DOCK9: variants seen among roughly 807,000 people sequenced by gnomAD.
The protein encoded by DOCK9 is dedicator of cytokinesis protein 9.
A neutral mutation model predicts 263.3 loss-of-function variants in DOCK9; 89 were observed. That is an observed-to-expected ratio of 0.34 (90% CI 0.28 to 0.40). The LOEUF (loss-of-function observed/expected upper bound fraction) is 0.40, where lower values mean the gene tolerates loss of function less well. Ranked by LOEUF, DOCK9 falls within the 10% of genes least tolerant of loss-of-function variation. The pLI is 1.00. For missense variants in DOCK9, 2,140 were observed against 2,603.4 expected, an observed-to-expected ratio of 0.82 and a Z score of 3.87; for synonymous variants, 976 against 973.1, an observed-to-expected ratio of 1.00 and a Z score of -0.06.
Position 98,977,847 on chromosome 13 carries a change from G to C in DOCK9, c.63C>G (p.Ser21=). ...GAGCTGCATCCTTGTATTGCAGGGG[G>C]GACTCAATCACCAGTTCCTTTTTGA... ...RSVKKELVIE[S]PLQYKDAAQG... Residue 21 remains serine (S), a synonymous_variant, in exon 1 of 53, where the codon TCC becomes TCG. Coordinates refer to ENST00000682017, the MANE Select transcript of DOCK9 (RefSeq NM_001366683.2). The C allele has an allele frequency of 6.2e-7, 1 of 1,607,654 alleles. No homozygotes were observed. Among genetic ancestry groups the C allele is most frequent in the Non-Finnish European group, 8.5e-7 (1 of 1,176,834 alleles).
intron 9 of DOCK9, among the ~76,000 whole-genome samples, chr13:98,913,462 T>C (rs762939959): frequency 2.0e-5 from 3 of 152,232 alleles, no homozygotes; most frequent in African/African-American, 4.8e-5. Context: ...AAATAAAAAG[T>C]CTATATAGTA....
intron 30 of DOCK9, among the ~76,000 whole-genome samples, chr13:98,865,264 G>A (rs746903984): frequency 6.6e-6 from 1 of 152,044 alleles, no homozygotes; most frequent in Non-Finnish European, 1.5e-5. Flanking sequence ...TAGAGACAGG[G>A]TTTTGTTATG....
intron 2 of DOCK9, among the ~76,000 whole-genome samples, chr13:98,949,167 G>T (rs1459366215): frequency 6.6e-6 from 1 of 152,136 alleles, no homozygotes; most frequent in Non-Finnish European, 1.5e-5. Context: ...CAACCTGTTG[G>T]GCTCAAGTGA....
rs181455204 is a variant in DOCK9 at position 98,875,251 on chromosome 13, A to T, written c.2943+4647T>A. 1.3e-3 allele frequency among the ~76,000 whole-genome samples: 200 copies of T among 152,320 alleles called. 1 individual carries two copies. The highest frequency in any genetic ancestry group is 0.01 in the Middle Eastern group (3 of 294). On this transcript the variant is annotated intron_variant, in intron 27 of 52. Transcript: ENST00000682017. ...CTTTGCACATTACAAACAACTGTTC[A>T]AAACACTTGAGGGTGAATGCATACT...
intron 52 of DOCK9, among the ~76,000 whole-genome samples, chr13:98,795,250 T>G (rs1002053408): frequency 2.6e-5 from 4 of 152,220 alleles, no homozygotes; most frequent in Admixed American, 6.5e-5. Context: ...AAAATGAATT[T>G]GAAGCATTTG....
At position 98,888,545 on chromosome 13, in the gene DOCK9, A is replaced by C; in HGVS notation, c.1792T>G (p.Tyr598Asp). ...IDNVSSDFPN[Y>D]VNSSYIPTKQ... Reference sequence around the variant, plus strand: ...GTGGGAATGTATGATGAATTAACATAATCTGCAAAGATATTCAAAATAACT... The same window carrying C: ...GTGGGAATGTATGATGAATTAACATCATCTGCAAAGATATTCAAAATAACT... The change falls in exon 17 of 53, where the codon TAT (tyrosine) becomes GAT (aspartate). Residue 598 changes from tyrosine to aspartate, a missense_variant and splice_region_variant. Around this residue, in one of 2 missense-constraint regions of DOCK9, gnomAD observed 1,521 missense variants for 1,741.7 expected, o/e 0.87. Coordinates refer to ENST00000682017, the MANE Select transcript of DOCK9 (RefSeq NM_001366683.2). 6.2e-7 allele frequency: 1 copy of C among 1,613,770 alleles called. No individual in the cohort carries two copies. Among genetic ancestry groups the C allele is most frequent in the Non-Finnish European group, 8.5e-7 (1 of 1,179,736 alleles).
intron 1 of DOCK9, among the ~76,000 whole-genome samples, chr13:98,971,203 A>C (rs749017376): frequency 2.0e-5 from 3 of 152,154 alleles, no homozygotes; most frequent in Non-Finnish European, 2.9e-5. Flanking sequence ...TGCAGGATCA[A>C]AATTAGGTCC....
At chr13:98,904,040 G>C (rs2048730019) in intron 10 of DOCK9, among the ~76,000 whole-genome samples, 1 of 152,182 alleles carries the variant, frequency 6.6e-6, no homozygotes, top group Non-Finnish European at 1.5e-5. Context: ...TCTGGAAATG[G>C]ATGGTGGTAA....
At chr13:99,031,122 T>TA (rs563299866) in intron 1 of DOCK9, among the ~76,000 whole-genome samples, 41 of 116,428 alleles carry the variant, frequency 3.5e-4, no homozygotes, top group African/African-American at 1.2e-3. Context: ...GATGTTTTTT[T>TA]TAAAAAAAAG....
At position 98,888,243 on chromosome 13, in the gene DOCK9, A is replaced by T; in HGVS notation, c.1978-20T>A. On this transcript the variant is annotated intron_variant, in intron 17 of 52. Transcript: ENST00000682017. ...TCTAGCCTGCAGCAATAAACAAAAC[A>T]GAATAAGAAAAAACAACAGAAAGTC... 1 of 1,607,248 alleles carries T rather than the reference A, an allele frequency of 6.2e-7. No homozygotes were observed. The highest frequency in any genetic ancestry group is 8.5e-7 in the Non-Finnish European group (1 of 1,177,596).
At chr13:98,956,678 C>T (rs1304995620) in intron 1 of DOCK9, among the ~76,000 whole-genome samples, 6 of 151,956 alleles carry the variant, frequency 3.9e-5, no homozygotes, top group Admixed American at 2.0e-4. Flanking sequence ...ACTGGGGAGG[C>T]GGAGGTTGCA....
At position 98,826,886 on chromosome 13, in the gene DOCK9, G is replaced by A. The variant is rs2092563724; in HGVS notation, c.4967C>T (p.Ala1656Val). 6.2e-7 allele frequency: 1 copy of A among 1,607,606 alleles called. No homozygotes were observed. Among genetic ancestry groups the A allele is most frequent in the Non-Finnish European group, 8.5e-7 (1 of 1,176,404 alleles). ...IHVKNGDLSE[A>V]AMCYVHVTAL... The stretch of plus-strand genomic sequence containing the variant: ...TGTTACGTGGACATAGCACATTGCT[G>A]CCTATAATAGAAGACACATGCCTCA... Residue 1656 changes from alanine to valine, a missense_variant and splice_region_variant, in exon 44 of 53, where the codon GCA (alanine) becomes GTA (valine). By Grantham distance (64) the Ala-to-Val change is moderately conservative (BLOSUM62 0). This residue lies in a region of DOCK9 where 619 missense variants were observed against 861.8 expected (regional missense o/e 0.72). Transcript: ENST00000682017.
Position 98,867,970 on chromosome 13 carries a change from C to T in DOCK9, c.3132G>A (p.Gln1044=). The T allele has an allele frequency of 1.2e-6, 2 of 1,613,728 alleles. No individual in the cohort carries two copies. Among genetic ancestry groups the T allele is most frequent in the Non-Finnish European group, 1.7e-6 (2 of 1,179,814 alleles). The part of the protein sequence containing the change: ...TFMDRGFVFK[Q]INNYISCFAP... The stretch of plus-strand genomic sequence containing the variant: ...CAAAACAGCTAATGTAGTTGTTGAT[C>T]TGCTTGAAGACAAAGCCCCTGTCCA... Residue 1044 remains glutamine (Q), a synonymous_variant, in exon 29 of 53, where the codon CAG becomes CAA. Coordinates refer to ENST00000682017, the MANE Select transcript of DOCK9 (RefSeq NM_001366683.2).
At chr13:98,929,676 TATA>T (rs1394045407) in intron 3 of DOCK9, among the ~76,000 whole-genome samples, 2 of 151,602 alleles carry the variant, frequency 1.3e-5, no homozygotes, top group African/African-American at 4.8e-5. Flanking sequence ...AATCAATATA[TATA>T]ATAATATATA....
intron 2 of DOCK9, among the ~76,000 whole-genome samples, chr13:98,932,157 C>A (rs1313080247): frequency 6.6e-6 from 1 of 151,192 alleles, no homozygotes; most frequent in African/African-American, 2.4e-5. Flanking sequence ...CTTTGGGAGG[C>A]TGAGGTGGGT....
In DOCK9 at chr13:98,796,168, C is replaced by A. The variant is rs370354661; in HGVS notation, c.6156+947G>T. 3.8e-4 allele frequency: 575 copies of A among 1,500,200 alleles called. 10 individuals are homozygous for A. In the South Asian group the frequency reaches 6.4e-3, roughly 17 times the overall value. The allele number at this position is 1,500,200 out of a possible 1,614,324, so 92.9% of individuals were successfully genotyped here. The stretch of plus-strand genomic sequence containing the variant: ...AAAAAAGTAATAGCTTTTTCTAAGT[C>A]AGATTATCAGAAAAATAATGTTTAA... On this transcript the variant is annotated intron_variant, in intron 52 of 52. Transcript: ENST00000682017.
chr13:98,974,114 C>T (rs2059992943), intron 1 of DOCK9, among the ~76,000 whole-genome samples: 1 of 151,728 alleles, frequency 6.6e-6, no homozygotes, highest in African/African-American at 2.4e-5. Context: ...AACTGTTGAG[C>T]AGTAACAATT....
chr13:98,947,769 G>T (rs1316072709), intron 2 of DOCK9, among the ~76,000 whole-genome samples: 1 of 152,126 alleles, frequency 6.6e-6, no homozygotes, highest in Non-Finnish European at 1.5e-5. Context: ...GCCTCCCAAA[G>T]TGCTAGGATT....
At chr13:98,887,548 A>G (rs1215962947) in intron 18 of DOCK9, among the ~76,000 whole-genome samples, 2 of 131,394 alleles carry the variant, frequency 1.5e-5, no homozygotes, top group Middle Eastern at 4.0e-3. Flanking sequence ...CCTGGGAGGC[A>G]GTGCTTGCAG....
Sources: gnomAD v4.1 joint callset for allele counts (sites outside exome capture counted in the v4.1 genomes callset) on GRCh38, gnomAD v4.1.1 for gene constraint, gnomAD v4.1.1 regional missense constraint, MANE v1.5 for transcripts, NCBI Gene and HGNC (gene_info 2026-07-23, HGNC 2026-07-21) for gene names.